Variants in LOXL2 observed in about 807,000 individuals in gnomAD.
LOXL2 encodes the protein lysyl oxidase like 2, also known as lysyl oxidase homolog 2.
LOXL2 carries 70 observed loss-of-function variants against 93.0 expected under a neutral mutation model. That is an observed-to-expected ratio of 0.75 (90% confidence interval 0.62 to 0.92). LOXL2 has a LOEUF of 0.92. Ranked by LOEUF, LOXL2 falls within the 40% of genes least tolerant of loss-of-function variation. The pLI, the probability that LOXL2 is intolerant of heterozygous loss-of-function variation, is 0.00. For missense variants in LOXL2, 973 were observed against 1,054.9 expected (o/e 0.92, Z 1.08); for synonymous variants, 438 against 413.2 (o/e 1.06, Z -0.73).
intron 1 of LOXL2, among the ~76,000 whole-genome samples, chr8:23,377,132 A>G (rs562273849): frequency 2.3e-4 from 35 of 152,292 alleles, no homozygotes; most frequent in African/African-American, 8.2e-4. Context: ...AGATTCTGGT[A>G]TGTTGTGTCT....
chr8:23,330,630 T>G (rs552176932), intron 5 of LOXL2, among the ~76,000 whole-genome samples: 1 of 152,270 alleles, frequency 6.6e-6, no homozygotes, highest in African/African-American at 2.4e-5. Context: ...TCGCTCTGTT[T>G]TAATTGGTTT....
At chr8:23,362,821 T>C (rs1284420858) in intron 2 of LOXL2, among the ~76,000 whole-genome samples, 2 of 152,102 alleles carry the variant, frequency 1.3e-5, no homozygotes, top group Non-Finnish European at 2.9e-5. Flanking sequence ...TGCTAGAGGA[T>C]TTTCAAATAG....
intron 3 of LOXL2, among the ~76,000 whole-genome samples, chr8:23,349,772 T>G (rs958567859): frequency 3.5e-4 from 53 of 152,020 alleles, no homozygotes; most frequent in African/African-American, 1.2e-3. Flanking sequence ...AAATTATTAC[T>G]GGTTCCTTCC....
intron 2 of LOXL2, among the ~76,000 whole-genome samples, chr8:23,366,401 T>C (rs1036331888): frequency 1.3e-5 from 2 of 152,190 alleles, no homozygotes; most frequent in Non-Finnish European, 2.9e-5. Flanking sequence ...AAATTTTCAA[T>C]TGCATGGAGG....
chr8:23,372,184 G>A (rs1419287883), intron 1 of LOXL2, among the ~76,000 whole-genome samples: 1 of 151,126 alleles, frequency 6.6e-6, no homozygotes, highest in African/African-American at 2.4e-5. Context: ...TCATCAGAAC[G>A]AATATAACAA....
chr8:23,374,220 A>G (rs944290340), intron 1 of LOXL2, among the ~76,000 whole-genome samples: 38 of 151,322 alleles, frequency 2.5e-4, no homozygotes, highest in African/African-American at 7.3e-4. Flanking sequence ...TGTTCTTGCA[A>G]TAGTTTGCTG....
chr8:23,341,332 T>C, intron 3 of LOXL2, 129 bp from the exon 4 acceptor site: 1 of 747,254 alleles, frequency 1.3e-6, no homozygotes. Context: ...CCTCAGGCCC[T>C]GCAGTGAGCT....
chr8:23,355,469 C>T (rs2117199673), intron 3 of LOXL2, among the ~76,000 whole-genome samples: 1 of 143,100 alleles, frequency 7.0e-6, no homozygotes, highest in Admixed American at 7.1e-5. Context: ...AGGCAAGGAG[C>T]TTAAGGAAAT....
intron 3 of LOXL2, among the ~76,000 whole-genome samples, chr8:23,351,689 A>G (rs1440070503): frequency 1.3e-5 from 2 of 152,192 alleles, no homozygotes; most frequent in East Asian, 3.8e-4. Context: ...TCTGTTATCC[A>G]CATACACACC....
At chr8:23,303,518 G>A (rs1803176170) in intron 10 of LOXL2, 121 bp from the exon 11 acceptor site, 1 of 651,288 alleles carries the variant, frequency 1.5e-6, no homozygotes, top group Non-Finnish European at 2.8e-6. Flanking sequence ...GGGCCGGGTG[G>A]GGAGAGGAGT....
intron 7 of LOXL2, among the ~76,000 whole-genome samples, chr8:23,320,362 C>G (rs1803474689): frequency 6.6e-6 from 1 of 152,204 alleles, no homozygotes; most frequent in African/African-American, 2.4e-5. Flanking sequence ...GGATGGTGCC[C>G]TCGGGACCTT....
chr8:23,346,116 T>TA lies in LOXL2; in HGVS notation c.532-4914_532-4913insT, dbSNP rs1563197384. On this transcript the variant is annotated intron_variant, in intron 3 of 13. Coordinates refer to ENST00000389131, the MANE Select transcript of LOXL2 (RefSeq NM_002318.3). ...TAAAATAAAATAAAATAAAATAAAA[T>TA]TAAAATAAAATAAAATAAAATAAAA... 3.1e-3 allele frequency among the ~76,000 whole-genome samples: 74 copies of TA among 23,794 alleles called. 1 individual carries two copies. Among genetic ancestry groups the TA allele is most frequent in the African/African-American group, 9.8e-3 (39 of 3,988 alleles). The allele number at this position is 23,794 out of a possible 152,430, so 15.6% of individuals were successfully genotyped here. A position where few individuals can be genotyped will look rare whatever the true frequency, so the allele number is the denominator to read the frequency against.
At chr8:23,359,186 A>G (rs1804247842) in intron 3 of LOXL2, among the ~76,000 whole-genome samples, 1 of 152,008 alleles carries the variant, frequency 6.6e-6, no homozygotes, top group Non-Finnish European at 1.5e-5. Flanking sequence ...TCCAACCCTC[A>G]GCTACATTGG....
chr8:23,397,578 A>T (rs1800106091), intron 1 of LOXL2, among the ~76,000 whole-genome samples: 1 of 148,702 alleles, frequency 6.7e-6, no homozygotes, highest in Admixed American at 6.7e-5. Context: ...GGAGATCGAG[A>T]CCATCCTGGC....
intron 13 of LOXL2, 102 bp from the exon 14 acceptor site, chr8:23,298,224 C>T: frequency 2.6e-6 from 2 of 781,392 alleles, no homozygotes; most frequent in South Asian, 3.1e-5. Context: ...CTGGGGCCAC[C>T]TGTGTGTGCC....
intron 4 of LOXL2, among the ~76,000 whole-genome samples, chr8:23,335,445 A>C (rs549451844): frequency 2.1e-3 from 316 of 152,348 alleles, no homozygotes; most frequent in Non-Finnish European, 2.4e-3. Flanking sequence ...TTTGTGAAAT[A>C]AATAAGTAAA....
chr8:23,359,976 G>T, intron 3 of LOXL2, 114 bp downstream of exon 3: 1 of 959,060 alleles, frequency 1.0e-6, no homozygotes. Context: ...CCCATTGGGT[G>T]AGGTACCCTC....
At chr8:23,362,577 C>G (rs1260920261) in intron 2 of LOXL2, among the ~76,000 whole-genome samples, 1 of 152,000 alleles carries the variant, frequency 6.6e-6, no homozygotes, top group Non-Finnish European at 1.5e-5. Flanking sequence ...TACTAAAAAT[C>G]AAAACATTTA....
At chr8:23,308,441 C>A (rs1199773619) in intron 10 of LOXL2, among the ~76,000 whole-genome samples, 2 of 152,208 alleles carry the variant, frequency 1.3e-5, no homozygotes, top group African/African-American at 4.8e-5. Flanking sequence ...GATGGCCCAT[C>A]CAAGTGTGGA....
Sources: gnomAD v4.1 joint callset for allele counts (sites outside exome capture counted in the v4.1 genomes callset) on GRCh38, gnomAD v4.1.1 for gene constraint, MANE v1.5 for transcripts, NCBI Gene and HGNC (gene_info 2026-07-23, HGNC 2026-07-21) for gene names.